The following LRRN4 variants were observed in gnomAD, a reference collection of about 807,000 sequenced individuals.
The protein encoded by LRRN4 is leucine rich repeat neuronal 4, also known as leucine-rich repeat neuronal protein 4.
LRRN4 carries 26 observed loss-of-function variants against 22.3 expected under a neutral mutation model. The ratio of observed to expected loss-of-function variants is 1.16; its 90% CI spans 0.85 to 1.62. LRRN4 has a LOEUF of 1.62. LRRN4 is among the 40% of genes most tolerant of loss of function. The pLI is 0.00. For synonymous variants in LRRN4, 496 were observed against 486.2 expected, an observed-to-expected ratio of 1.02 and a Z score of -0.26; for missense variants, 1,070 against 1,008.5, an observed-to-expected ratio of 1.06 and a Z score of -0.83.
At position 6,044,642 on chromosome 20, in the gene LRRN4, G is replaced by A; in HGVS notation, c.899C>T (p.Ser300Phe). 4.4e-6 allele frequency: 7 copies of A among 1,586,720 alleles called. No individual in the cohort carries two copies. Among genetic ancestry groups the A allele is most frequent in the Non-Finnish European group, 6.0e-6 (7 of 1,167,172 alleles). ...LSSFPPWTLD[S>F]SQVLSINLFG... ...GAGGTTGATCGATAGGACCTGGGAGGAATCCAGGGTCCAAGGAGGGAAGGA... is the reference window on the plus strand; with the variant it reads ...GAGGTTGATCGATAGGACCTGGGAGAAATCCAGGGTCCAAGGAGGGAAGGA... The change falls in exon 4 of 5, where the codon TCC becomes TTC. Residue 300 changes from serine (S) to phenylalanine (F), a missense_variant. Transcript: ENST00000378858.
intron 3 of LRRN4, 141 bp downstream of exon 3, chr20:6,050,638 G>A: frequency 1.2e-6 from 1 of 858,900 alleles, no homozygotes; most frequent in Non-Finnish European, 1.9e-6. Context: ...TCACCCAAAG[G>A]GTGGGGGAAA....
chr20:6,051,115 G>A (rs2123058773), intron 2 of LRRN4, 132 bp from the exon 3 acceptor site: 2 of 755,424 alleles, frequency 2.6e-6, no homozygotes, highest in East Asian at 5.3e-5. Flanking sequence ...ACAGTTAGCA[G>A]CTCTGGGAAT....
chr20:6,052,687 C>T lies in LRRN4; in HGVS notation c.113G>A (p.Ser38Asn). The T allele has an allele frequency of 4.4e-6, 7 of 1,573,952 alleles. No individual in the cohort carries two copies. Among genetic ancestry groups the T allele is most frequent in the Non-Finnish European group, 5.1e-6 (6 of 1,167,572 alleles). Residue 38 changes from serine to asparagine, a missense_variant, in exon 2 of 5, where the codon AGC (serine) becomes AAC (asparagine). Transcript: ENST00000378858. ...CGAGTCGGTGGCGTTGCTGCCACTG[C>T]TCCCCCAGGGGCCCTGCTGAGTGAC... is the stretch of plus-strand genomic sequence containing the variant. ...FRVTQQGPWG[S>N]SGSNATDSPC... is the part of the protein sequence containing the mutation.
chr20:6,045,466 C>T (rs1981080454), intron 3 of LRRN4, among the ~76,000 whole-genome samples: 1 of 148,062 alleles, frequency 6.8e-6, no homozygotes. Context: ...AAACAAACAA[C>T]AACAACAAAA....
At chr20:6,052,116 G>T (rs565621431) in intron 2 of LRRN4, 29 bp downstream of exon 2, 1 of 1,561,862 alleles carries the variant, frequency 6.4e-7, no homozygotes, top group Non-Finnish European at 8.7e-7. Flanking sequence ...CGCTCAGGCC[G>T]GCTGAAAACG....
chr20:6,052,277 G>A lies in LRRN4; in HGVS notation c.523C>T (p.Leu175Phe), dbSNP rs1981268651. 6.5e-7 allele frequency: 1 copy of A among 1,544,290 alleles called. No individual in the cohort carries two copies. The highest frequency in any genetic ancestry group is 8.7e-7 in the Non-Finnish European group (1 of 1,146,792). The change falls in exon 2 of 5, where the codon CTC (leucine) becomes TTC (phenylalanine). Residue 175 changes from leucine to phenylalanine, a missense_variant. Leu to Phe is a conservative substitution (Grantham distance 22). Transcript: ENST00000378858. ...CCCAGCGCGGTGCAGGAGAGGTTGA[G>A]GAGCTGCAGCGCGGGGAAGCAGGCG... is the stretch of plus-strand genomic sequence containing the variant. ...AFACFPALQL[L>F]NLSCTALGRG...
At position 6,042,232 on chromosome 20, in the gene LRRN4, A is replaced by G. The variant is rs1326973857; in HGVS notation, c.1013T>C (p.Met338Thr). The change falls in exon 5 of 5, where the codon ATG becomes ACG. Residue 338 changes from methionine to threonine, a missense_variant. By Grantham distance (81) the Met-to-Thr change is moderately conservative. Coordinates refer to ENST00000378858, the MANE Select transcript of LRRN4 (RefSeq NM_152611.5). ...RTVLSRAADTMCAPAAGSSGP... is the reference protein window; with the variant it reads ...RTVLSRAADTTCAPAAGSSGP... ...GCTGGATCCCGCAGCTGGCGCGCAC[A>G]TAGTGTCTGCTGCCCTGGAGGGGAG... 6.2e-7 allele frequency: 1 copy of G among 1,610,808 alleles called. No homozygotes were observed. Among genetic ancestry groups the G allele is most frequent in the Non-Finnish European group, 8.5e-7 (1 of 1,178,626 alleles).
intron 4 of LRRN4, 140 bp from the exon 5 acceptor site, chr20:6,042,386 GCACA>G: frequency 1.1e-6 from 1 of 894,484 alleles, no homozygotes; most frequent in Non-Finnish European, 1.7e-6. Flanking sequence ...CACACACGCC[GCACA>G]CACACATCAC....
chr20:6,053,249 G>C (rs1375493086), intron 1 of LRRN4, among the ~76,000 whole-genome samples: 4 of 152,138 alleles, frequency 2.6e-5, no homozygotes, highest in African/African-American at 7.2e-5. Context: ...CTAGAAACAT[G>C]AGGAAGATTT....
In LRRN4 at chr20:6,040,971, CTT is replaced by C; in HGVS notation, c.*49_*50del. On this transcript the variant is annotated 3_prime_UTR_variant, in exon 5 of 5. Transcript: ENST00000378858. ...GTCGTTTTTGACCGTCTGTGTCTTC[CTT>C]TTTGCGCTCAGATCCAGTTCGATGA... is the stretch of plus-strand genomic sequence containing the variant. 1 of 1,603,634 alleles carries C rather than the reference CTT, an allele frequency of 6.2e-7. No homozygotes were observed. The highest frequency in any genetic ancestry group is 8.5e-7 in the Non-Finnish European group (1 of 1,175,634).
At position 6,041,590 on chromosome 20, in the gene LRRN4, C is replaced by T. The variant is rs1348814471; in HGVS notation, c.1655G>A (p.Cys552Tyr). Residue 552 changes from cysteine to tyrosine, a missense_variant, in exon 5 of 5, where the codon TGC becomes TAC. Cys to Tyr is a radical substitution (Grantham distance 194, BLOSUM62 -2). Coordinates refer to ENST00000378858, the MANE Select transcript of LRRN4 (RefSeq NM_152611.5). This position sits in a 1 kb window ranked among gnomAD's most constrained non-coding sequence, Gnocchi z 9.4. ...CGCGCACGGGGTCTGCAGGTGCTTGCAGGGATGGTAATCACAGGGGACGTC... is the reference window on the plus strand; with the variant it reads ...CGCGCACGGGGTCTGCAGGTGCTTGTAGGGATGGTAATCACAGGGGACGTC... ...HQDVPCDYHP[C>Y]KHLQTPCAEL... is the part of the protein sequence containing the mutation. 1 of 1,567,612 alleles carries T rather than the reference C, an allele frequency of 6.4e-7. No individual in the cohort carries two copies.
intron 4 of LRRN4, among the ~76,000 whole-genome samples, chr20:6,044,025 C>T (rs1417761693): frequency 6.6e-6 from 1 of 152,136 alleles, no homozygotes; most frequent in Non-Finnish European, 1.5e-5. Context: ...GTGTTCCCAG[C>T]CCCCCAGCTC....
At chr20:6,051,092 G>A (rs1568642733) in intron 2 of LRRN4, 109 bp from the exon 3 acceptor site, 4 of 902,896 alleles carry the variant, frequency 4.4e-6, no homozygotes, top group Non-Finnish European at 5.3e-6. Flanking sequence ...GAAGGTCATC[G>A]CTGAGCACGG....
rs1980957098 is a variant in LRRN4 at position 6,041,689 on chromosome 20, ATC to A, written c.1554_1555del (p.Glu518AspfsTer11). The A allele has an allele frequency of 3.1e-6, 5 of 1,613,078 alleles. No homozygotes were observed. The African/African-American group carries it at 4.0e-5, about 13-fold the overall frequency. On this transcript the variant is annotated frameshift_variant, in exon 5 of 5. Coordinates refer to ENST00000378858, the MANE Select transcript of LRRN4 (RefSeq NM_152611.5). LOFTEE classifies it low-confidence loss of function (END_TRUNC). This position sits in a 1 kb window ranked among gnomAD's most constrained non-coding sequence, Gnocchi z 9.4. The stretch of plus-strand genomic sequence containing the variant: ...GTAGTCGTCCAGCAGCAAGACTGGA[ATC>A]TCGCCCTCGGAAAGACTCGGGTTGG...
rs1600409306 is a variant in LRRN4 at position 6,052,241 on chromosome 20, G to A, written c.559C>T (p.Gln187Ter). The stretch of plus-strand genomic sequence containing the variant: ...AACGCCGCCTCGGCGATGCCCCCCT[G>A]GGCTCCGCGACCCAGCGCGGTGCAG... Reference protein sequence around the residue: ...LSCTALGRGAQGGIAEAAFAG... With the variant: ...LSCTALGRGA Residue 187 changes from glutamine (Q) to a stop codon, truncating the protein, a stop_gained, in exon 2 of 5, where the codon CAG becomes TAG. Transcript: ENST00000378858. LOFTEE classifies it high-confidence loss of function. 6.4e-7 allele frequency: 1 copy of A among 1,565,608 alleles called. No individual in the cohort carries two copies. Among genetic ancestry groups the A allele is most frequent in the African/African-American group, 1.4e-5 (1 of 73,714 alleles).
rs1274535251 is a variant in LRRN4, at chr20:6,046,855, T to A, written c.861-2175A>T. 2.2e-5 allele frequency among the ~76,000 whole-genome samples: 3 copies of A among 138,728 alleles called. 1 individual carries two copies. The highest frequency in any genetic ancestry group is 4.9e-5 in the Non-Finnish European group (3 of 61,110). The allele number at this position is 138,728 out of a possible 152,430, so 91.0% of individuals were successfully genotyped here. Reference sequence around the variant, plus strand: ...TGCGTGTATGCTTGTTTTTGCAGATTTTACATAGCTAGAATGGAAATGTTA... The same window carrying A: ...TGCGTGTATGCTTGTTTTTGCAGATATTACATAGCTAGAATGGAAATGTTA... On this transcript the variant is annotated intron_variant, in intron 3 of 4. Coordinates refer to ENST00000378858, the MANE Select transcript of LRRN4 (RefSeq NM_152611.5).
At chr20:6,048,940 G>C (rs1324825228) in intron 3 of LRRN4, among the ~76,000 whole-genome samples, 1 of 152,226 alleles carries the variant, frequency 6.6e-6, no homozygotes, top group Admixed American at 6.5e-5. Flanking sequence ...AGCCAGGAAG[G>C]CTGGAGAAGC....
intron 4 of LRRN4, among the ~76,000 whole-genome samples, chr20:6,043,628 G>A (rs1321318385): frequency 2.0e-5 from 3 of 151,468 alleles, no homozygotes; most frequent in African/African-American, 4.9e-5. Context: ...AATCTTGGCC[G>A]GGCATGGTGG....
rs1281113865 is a variant in LRRN4, at chr20:6,052,125, C to G, written c.655+20G>C. ...GCTCTGCGCTCAGGCCGGCTGAAAA[C>G]GCGGGGCGCCCGGACTCACCCCGTT... On this transcript the variant is annotated intron_variant, in intron 2 of 4. Transcript: ENST00000378858. The G allele has an allele frequency of 2.5e-6, 4 of 1,575,354 alleles. No homozygotes were observed. The highest frequency in any genetic ancestry group is 1.7e-4 in the Middle Eastern group (1 of 5,870).
Sources: allele counts gnomAD v4.1 joint callset (sites outside exome capture counted in the v4.1 genomes callset), GRCh38; gene constraint gnomAD v4.1.1; non-coding constraint Gnocchi (gnomAD v3.1); transcripts MANE v1.5; gene names NCBI Gene and HGNC (gene_info 2026-07-23, HGNC 2026-07-21).